The following DPP6 variants were observed in gnomAD, a reference collection of about 807,000 sequenced individuals.
DPP6 encodes A-type potassium channel modulatory protein DPP6.
Under a neutral mutation model 122.6 loss-of-function variants are expected in DPP6, and 69 were observed. The observed-to-expected ratio is 0.56, with a 90% CI of 0.46 to 0.69. DPP6 has a LOEUF of 0.69. Among genes scored for constraint, DPP6 ranks in the 30% least tolerant of loss-of-function variants. DPP6 has a pLI of 0.00. For missense variants in DPP6, 928 were observed against 1,116.9 expected (o/e 0.83, Z 2.41); for synonymous variants, 418 against 433.1 (o/e 0.97, Z 0.43).
At chr7:154,470,582 T>C (rs772148362) in intron 2 of DPP6, among the ~76,000 whole-genome samples, 1 of 152,164 alleles carries the variant, frequency 6.6e-6, no homozygotes. Flanking sequence ...TCCAGGAATT[T>C]TACTATTTAA....
At chr7:153,917,671 C>T (rs1800386110) in intron 1 of DPP6, among the ~76,000 whole-genome samples, 2 of 152,164 alleles carry the variant, frequency 1.3e-5, no homozygotes, top group Admixed American at 6.5e-5. Flanking sequence ...GTTTACAGCA[C>T]CTTCTCGAAG....
chr7:154,850,793 A>G (rs1031698390), intron 16 of DPP6, among the ~76,000 whole-genome samples: 1 of 152,174 alleles, frequency 6.6e-6, no homozygotes, highest in African/African-American at 2.4e-5. Context: ...CAGCTGTAAC[A>G]TCTCTTTCAT....
At chr7:154,474,079 G>A (rs903481024) in intron 2 of DPP6, among the ~76,000 whole-genome samples, 4 of 152,238 alleles carry the variant, frequency 2.6e-5, no homozygotes, top group Non-Finnish European at 5.9e-5. Context: ...TATCACAGAA[G>A]TGAAGGTGGT....
chr7:153,931,371 G>A (rs1801162481), intron 1 of DPP6, among the ~76,000 whole-genome samples: 1 of 152,162 alleles, frequency 6.6e-6, no homozygotes, highest in Non-Finnish European at 1.5e-5. Flanking sequence ...TTTGCCAAGA[G>A]ACAGTCTTAG....
chr7:154,392,875 G>T (rs1468215276), intron 1 of DPP6, among the ~76,000 whole-genome samples: 2 of 152,218 alleles, frequency 1.3e-5, no homozygotes, highest in South Asian at 2.1e-4. Flanking sequence ...GCATTGCTTG[G>T]TGAGCACGCG....
intron 1 of DPP6, among the ~76,000 whole-genome samples, chr7:154,381,218 C>T (rs907186902): frequency 6.6e-6 from 1 of 152,192 alleles, no homozygotes; most frequent in African/African-American, 2.4e-5. Context: ...TGAAGCCAGC[C>T]CAAGGACCCT....
chr7:154,275,938 T>C (rs1804099282), intron 1 of DPP6, among the ~76,000 whole-genome samples: 1 of 152,236 alleles, frequency 6.6e-6, no homozygotes, highest in South Asian at 2.1e-4. Context: ...GAATTCAGAA[T>C]GCAATTTGAA....
intron 1 of DPP6, among the ~76,000 whole-genome samples, chr7:154,002,980 A>G (rs1307049081): frequency 2.6e-5 from 4 of 152,008 alleles, no homozygotes; most frequent in African/African-American, 9.7e-5. Flanking sequence ...TGCGTTTTGG[A>G]GCCTTGAGTT....
At chr7:154,469,245 T>G (rs1822052809) in intron 2 of DPP6, among the ~76,000 whole-genome samples, 1 of 152,196 alleles carries the variant, frequency 6.6e-6, no homozygotes, top group African/African-American at 2.4e-5. Flanking sequence ...CTGTACATTT[T>G]CTTGTAGCTC....
intron 1 of DPP6, among the ~76,000 whole-genome samples, chr7:153,930,760 T>G (rs943117481): frequency 6.6e-6 from 1 of 152,194 alleles, no homozygotes; most frequent in African/African-American, 2.4e-5. Context: ...AGGCAGAGTT[T>G]GGCTTTTGGA....
intron 6 of DPP6, among the ~76,000 whole-genome samples, chr7:154,647,249 T>C (rs2130971178): frequency 6.6e-6 from 1 of 152,304 alleles, no homozygotes; most frequent in Middle Eastern, 3.4e-3. Flanking sequence ...TGGGTGATTT[T>C]GGTGTCCAGC....
At chr7:153,839,148 T>C in the DPP6 span, among the ~76,000 whole-genome samples, 1 of 152,192 alleles carries the variant, frequency 6.6e-6, no homozygotes, top group Admixed American at 6.5e-5. Context: ...GTGGCATGTG[T>C]CTCGCTATCT....
At chr7:153,777,395 C>G in the DPP6 span, among the ~76,000 whole-genome samples, 2 of 141,694 alleles carry the variant, frequency 1.4e-5, no homozygotes, top group Admixed American at 7.3e-5. Context: ...GGTATTTACT[C>G]AAGAGAAATG....
chr7:154,376,399 CCT>C (rs1260085139), intron 1 of DPP6, among the ~76,000 whole-genome samples: 3 of 152,152 alleles, frequency 2.0e-5, no homozygotes, highest in Admixed American at 1.3e-4. Flanking sequence ...TTTTCCTACC[CCT>C]GTGTTTTAAC....
At chr7:154,211,020 C>T (rs949611835) in intron 1 of DPP6, among the ~76,000 whole-genome samples, 2 of 152,130 alleles carry the variant, frequency 1.3e-5, no homozygotes, top group African/African-American at 4.8e-5. Context: ...GAGCTGGGAG[C>T]TAAACTGTTG....
chr7:154,824,144 C>T (rs1024728875), intron 16 of DPP6, among the ~76,000 whole-genome samples: 9 of 152,192 alleles, frequency 5.9e-5, no homozygotes, highest in Non-Finnish European at 1.2e-4. Flanking sequence ...GAGGATTCCT[C>T]GCCTTACACA....
At chr7:153,804,691 G>C in the DPP6 span, among the ~76,000 whole-genome samples, 16 of 152,104 alleles carry the variant, frequency 1.1e-4, no homozygotes, top group African/African-American at 3.6e-4. Flanking sequence ...TCAGGAGTTC[G>C]AGACCAGCCT....
At chr7:153,927,387 A>G (rs1800950686) in intron 1 of DPP6, among the ~76,000 whole-genome samples, 1 of 152,258 alleles carries the variant, frequency 6.6e-6, no homozygotes, top group African/African-American at 2.4e-5. Context: ...TGATGTTGTG[A>G]TACATGTATA....
intron 3 of DPP6, among the ~76,000 whole-genome samples, chr7:154,492,106 T>C (rs1268146891): frequency 3.3e-5 from 5 of 152,222 alleles, no homozygotes; most frequent in Admixed American, 3.3e-4. Context: ...ATTTGTTAGA[T>C]GACTTGGGAT....
Sources: gnomAD v4.1 joint callset for allele counts (sites outside exome capture counted in the v4.1 genomes callset) on GRCh38, gnomAD v4.1.1 for gene constraint, MANE v1.5 for transcripts, NCBI Gene and HGNC (gene_info 2026-07-23, HGNC 2026-07-21) for gene names.